The following CERS3 variants were observed in gnomAD, a reference collection of about 807,000 sequenced individuals.
CERS3 encodes the protein LAG1 homolog, ceramide synthase 3.
Under a neutral mutation model 50.3 loss-of-function variants are expected in CERS3, and 33 were observed. That is an observed-to-expected ratio of 0.66 (90% CI 0.50 to 0.88). The LOEUF (loss-of-function observed/expected upper bound fraction) is 0.88. CERS3 is among the 40% of genes least tolerant of loss of function. CERS3 has a pLI of 0.00. For missense variants in CERS3, 470 were observed against 460.3 expected, an observed-to-expected ratio of 1.02 and a Z score of -0.19; for synonymous variants, 176 against 155.2, an observed-to-expected ratio of 1.13 and a Z score of -0.99.
At chr15:100,466,839 C>CT (rs1491512108) in intron 10 of CERS3, among the ~76,000 whole-genome samples, 2,501 of 95,604 alleles carry the variant, frequency 0.026, 549 homozygotes, top group Middle Eastern at 0.042. Flanking sequence ...CTCCCTCTCT[C>CT]CCTCTCTCTT....
At chr15:100,503,449 G>C (rs1253826101) in intron 2 of CERS3, among the ~76,000 whole-genome samples, 1 of 152,214 alleles carries the variant, frequency 6.6e-6, no homozygotes, top group Admixed American at 6.5e-5. Flanking sequence ...TAGAGCGTTT[G>C]CTTGCATTCC....
At chr15:100,417,071 T>C (rs1596618090) in intron 11 of CERS3, among the ~76,000 whole-genome samples, 1 of 152,014 alleles carries the variant, frequency 6.6e-6, no homozygotes. Context: ...AAGAAAATAG[T>C]GGAGGAGCCA....
At chr15:100,513,600 T>A (rs1344886392) in intron 2 of CERS3, among the ~76,000 whole-genome samples, 1 of 150,956 alleles carries the variant, frequency 6.6e-6, no homozygotes, top group Non-Finnish European at 1.5e-5. Flanking sequence ...TTTAGTGGCA[T>A]GATCATGGCT....
At chr15:100,411,515 A>G (rs2031489910) in intron 11 of CERS3, among the ~76,000 whole-genome samples, 1 of 151,992 alleles carries the variant, frequency 6.6e-6, no homozygotes, top group Non-Finnish European at 1.5e-5. Context: ...CATATATCAC[A>G]TATTGTTTAT....
intron 11 of CERS3, among the ~76,000 whole-genome samples, chr15:100,406,087 A>G (rs901932991): frequency 5.9e-5 from 9 of 152,218 alleles, no homozygotes; most frequent in Non-Finnish European, 1.3e-4. Flanking sequence ...GAAAAATAAC[A>G]TTGCCCCGAG....
intron 2 of CERS3, among the ~76,000 whole-genome samples, chr15:100,519,625 G>T (rs1278136199): frequency 1.3e-5 from 2 of 152,116 alleles, no homozygotes; most frequent in African/African-American, 4.8e-5. Flanking sequence ...TCTCTTCCCT[G>T]CCCAGTGAAG....
In CERS3 at chr15:100,493,857, A is replaced by G. The variant is rs566359411; in HGVS notation, c.174-2926T>C. On this transcript the variant is annotated intron_variant, in intron 3 of 11. Transcript: ENST00000679737. ...TTCTTTGTTATAATTTATAGTTTCA[A>G]TTACTTTATTGATGTTCTTGATTTG... is the stretch of plus-strand genomic sequence containing the variant. Among the ~76,000 whole-genome samples the G allele has an allele frequency of 2.3e-4, 35 of 152,086 alleles. No individual in the cohort carries two copies. In the South Asian group the frequency reaches 6.7e-3, roughly 29 times the overall value.
intron 11 of CERS3, among the ~76,000 whole-genome samples, chr15:100,449,129 T>C (rs926366895): frequency 1.3e-5 from 2 of 152,180 alleles, no homozygotes; most frequent in Non-Finnish European, 2.9e-5. Flanking sequence ...AAGTATACCA[T>C]TGGAAGGCCC....
In CERS3 at chr15:100,450,128, T is replaced by C. The variant is rs1344718590; in HGVS notation, c.999+5765A>G. Among the ~76,000 whole-genome samples the C allele has an allele frequency of 3.3e-5, 5 of 152,140 alleles. No homozygotes were observed. The East Asian group carries it at 9.7e-4, about 29-fold the overall frequency. Reference sequence around the variant, plus strand: ...AAAATACTTTCAAATGCTTTAAAAATAGACTAGATTGGCCAGGTGTGGTGG... The same window carrying C: ...AAAATACTTTCAAATGCTTTAAAAACAGACTAGATTGGCCAGGTGTGGTGG... On this transcript the variant is annotated intron_variant, in intron 11 of 11. Coordinates refer to ENST00000679737, the MANE Select transcript of CERS3 (RefSeq NM_001378789.1).
At chr15:100,441,251 C>T (rs902636535) in intron 11 of CERS3, among the ~76,000 whole-genome samples, 14 of 151,614 alleles carry the variant, frequency 9.2e-5, no homozygotes, top group Admixed American at 5.9e-4. Context: ...TGCCCCTACC[C>T]CTTATTTCCA....
intron 11 of CERS3, among the ~76,000 whole-genome samples, chr15:100,454,894 T>C (rs1204020540): frequency 3.9e-5 from 6 of 151,908 alleles, no homozygotes; most frequent in African/African-American, 1.2e-4. Flanking sequence ...CAACAAATAA[T>C]AATGATAATT....
chr15:100,434,722 C>G (rs1473218239), intron 11 of CERS3, among the ~76,000 whole-genome samples: 1 of 152,172 alleles, frequency 6.6e-6, no homozygotes, highest in Non-Finnish European at 1.5e-5. Flanking sequence ...ATAAAACTCT[C>G]ATATCCTGCT....
intron 11 of CERS3, among the ~76,000 whole-genome samples, chr15:100,442,826 C>T (rs2033741355): frequency 6.6e-6 from 1 of 152,204 alleles, no homozygotes; most frequent in South Asian, 2.1e-4. Flanking sequence ...GCCAGTAACT[C>T]TCACAGTGGA....
At chr15:100,411,964 G>A (rs2031525005) in intron 11 of CERS3, among the ~76,000 whole-genome samples, 1 of 152,158 alleles carries the variant, frequency 6.6e-6, no homozygotes, top group Non-Finnish European at 1.5e-5. Flanking sequence ...GTCATTTGGA[G>A]TTTTGTTGCT....
At chr15:100,509,657 T>C (rs1433090866) in intron 2 of CERS3, among the ~76,000 whole-genome samples, 2 of 152,180 alleles carry the variant, frequency 1.3e-5, no homozygotes, top group Non-Finnish European at 2.9e-5. Flanking sequence ...GCAAGAGCTT[T>C]TGAAGGTCAG....
At chr15:100,511,275 C>T (rs562785040) in intron 2 of CERS3, among the ~76,000 whole-genome samples, 3 of 151,666 alleles carry the variant, frequency 2.0e-5, no homozygotes, top group African/African-American at 7.3e-5. Context: ...CGTGACAGAG[C>T]AAGACTCCAT....
At chr15:100,433,108 T>C (rs1372508630) in intron 11 of CERS3, among the ~76,000 whole-genome samples, 1 of 151,796 alleles carries the variant, frequency 6.6e-6, no homozygotes, top group Non-Finnish European at 1.5e-5. Context: ...TGGTGGCGGG[T>C]ACCTGTAGTC....
chr15:100,526,454 G>A (rs1037083549), intron 1 of CERS3, among the ~76,000 whole-genome samples: 4 of 118,434 alleles, frequency 3.4e-5, no homozygotes, highest in Admixed American at 8.8e-5. Context: ...CTGTGGTGTG[G>A]AGGCCAGGGA....
chr15:100,463,844 C>T (rs935239032), intron 10 of CERS3, among the ~76,000 whole-genome samples: 1 of 152,186 alleles, frequency 6.6e-6, no homozygotes, highest in Admixed American at 6.5e-5. Flanking sequence ...CCATCAGAAC[C>T]GATGCTCTGC....
Sources: allele counts gnomAD v4.1 joint callset (sites outside exome capture counted in the v4.1 genomes callset), GRCh38; gene constraint gnomAD v4.1.1; transcripts MANE v1.5; gene names NCBI Gene and HGNC (gene_info 2026-07-23, HGNC 2026-07-21).